The following COL4A5 variants were observed in gnomAD, a reference collection of about 807,000 sequenced individuals.
The protein encoded by COL4A5 is collagen alpha-5(IV) chain.
A neutral mutation model predicts 130.2 loss-of-function variants in COL4A5; 26 were observed. The ratio of observed to expected loss-of-function variants is 0.20; its 90% CI spans 0.15 to 0.28. The LOEUF is 0.28. Ranked by LOEUF, COL4A5 falls within the 10% of genes least tolerant of loss-of-function variation. The probability of loss-of-function intolerance (pLI) is 1.00; values close to 1 mark genes in which losing one functional copy is unlikely to be tolerated. For missense variants in COL4A5, 1,131 were observed against 1,344.3 expected, an observed-to-expected ratio of 0.84 and a Z score of 2.48; for synonymous variants, 496 against 439.6, an observed-to-expected ratio of 1.13 and a Z score of -1.60.
chrX:108,453,252 C>T (rs1238743473), intron 1 of COL4A5, among the ~76,000 whole-genome samples: 5 of 111,614 alleles, frequency 4.5e-5, no homozygotes, highest in Non-Finnish European at 7.5e-5. Flanking sequence ...CTAACCTTAT[C>T]TTAAAAGGCT....
At chrX:108,646,833 A>G (rs1412753670) in intron 36 of COL4A5, among the ~76,000 whole-genome samples, 3 of 111,367 alleles carry the variant, frequency 2.7e-5, no homozygotes, top group Non-Finnish European at 5.6e-5. Flanking sequence ...TTTATTAAAT[A>G]GGGAATCCTT....
chrX:108,522,611 A>G (rs1336454286), intron 1 of COL4A5, among the ~76,000 whole-genome samples: 1 of 107,106 alleles, frequency 9.3e-6, no homozygotes, highest in Non-Finnish European at 1.9e-5. Flanking sequence ...TGTCTATTCA[A>G]ATCTTTTGCC....
At chrX:108,479,748 A>G (rs774638192) in intron 1 of COL4A5, among the ~76,000 whole-genome samples, 1 of 111,836 alleles carries the variant, frequency 8.9e-6, no homozygotes, top group East Asian at 2.8e-4. Flanking sequence ...GCTGCTGTGC[A>G]TGACCACTTT....
At chrX:108,567,154 T>C (rs149734427) in intron 4 of COL4A5, among the ~76,000 whole-genome samples, 1 of 111,707 alleles carries the variant, frequency 9.0e-6, no homozygotes, top group Non-Finnish European at 1.9e-5. Flanking sequence ...TGAAAACCAT[T>C]AATTATTTCT....
intron 36 of COL4A5, among the ~76,000 whole-genome samples, chrX:108,638,109 C>G (rs1230061834): frequency 9.0e-6 from 1 of 111,265 alleles, no homozygotes; most frequent in Admixed American, 9.6e-5. Context: ...CAGACAAAGA[C>G]ACTACAATAA....
intron 2 of COL4A5, among the ~76,000 whole-genome samples, chrX:108,546,036 C>T (rs992432932): frequency 9.8e-5 from 11 of 111,814 alleles, no homozygotes; most frequent in Non-Finnish European, 1.9e-4. Flanking sequence ...GAATACAGCA[C>T]CCTGGTGGGT....
At chrX:108,581,092 G>T (rs1331905598) in intron 16 of COL4A5, 65 bp downstream of exon 16, 4 of 981,843 alleles carry the variant, frequency 4.1e-6, no homozygotes, top group Non-Finnish European at 5.8e-6. Flanking sequence ...ATAACATAAG[G>T]TGGCAGAGAA....
At chrX:108,579,206 T>TA (rs1032785343) in intron 13 of COL4A5, among the ~76,000 whole-genome samples, 13 of 112,011 alleles carry the variant, frequency 1.2e-4, no homozygotes, top group Admixed American at 1.1e-3. Flanking sequence ...AGGTAATCAC[T>TA]AATCTACTTC....
intron 1 of COL4A5, among the ~76,000 whole-genome samples, chrX:108,474,896 C>G (rs1287905409): frequency 9.0e-6 from 1 of 111,459 alleles, no homozygotes; most frequent in Non-Finnish European, 1.9e-5. Context: ...TGTCAAAAAT[C>G]AACTGACTGT....
rs2064604048 is a variant in COL4A5, at chrX:108,458,303, AC to A, written c.81+18098del. On this transcript the variant is annotated intron_variant, in intron 1 of 52. Coordinates refer to ENST00000328300, the MANE Select transcript of COL4A5 (RefSeq NM_033380.3). ...AGTTCCAGCACCATTTGTTGAACAGACTATCCCTTCCCCATTAAATTACCTT... is the reference window on the plus strand; with the variant it reads ...AGTTCCAGCACCATTTGTTGAACAGATATCCCTTCCCCATTAAATTACCTT... Among the ~76,000 whole-genome samples, 3 of 111,826 alleles carry A rather than the reference AC, an allele frequency of 2.7e-5. No individual in the cohort carries two copies. The South Asian group carries it at 1.1e-3, about 42-fold the overall frequency.
chrX:108,510,300 CTAAAA>C (rs1020108729), intron 1 of COL4A5, among the ~76,000 whole-genome samples: 5 of 111,410 alleles, frequency 4.5e-5, no homozygotes, highest in African/African-American at 6.5e-5. Flanking sequence ...ACCCCAGCAC[CTAAAA>C]TAAAAGTTAA....
At chrX:108,479,793 G>C (rs982035255) in intron 1 of COL4A5, among the ~76,000 whole-genome samples, 4 of 111,835 alleles carry the variant, frequency 3.6e-5, no homozygotes, top group Non-Finnish European at 7.5e-5. Flanking sequence ...CCCAGTTTAT[G>C]ACAGGCAGTT....
chrX:108,650,764 T>C (rs1231231446), intron 36 of COL4A5, among the ~76,000 whole-genome samples: 1 of 109,829 alleles, frequency 9.1e-6, no homozygotes, highest in Non-Finnish European at 1.9e-5. Flanking sequence ...CAAGGGACTT[T>C]GGGGACTTGT....
chrX:108,681,859 C>T lies in COL4A5; in HGVS notation c.4187C>T (p.Pro1396Leu), dbSNP rs1399871518. ...IPGQPGLKGL[P>L]GPQGPQGLPG... ...GGCCAGCCTGGGCTAAAGGGTCTAC[C>T]AGGACCCCAAGGACCTCAAGGCTTA... The change falls in exon 47 of 53, where the codon CCA becomes CTA. Residue 1396 changes from proline to leucine, a missense_variant. By Grantham distance (98) the Pro-to-Leu change is moderately conservative. Coordinates refer to ENST00000328300, the MANE Select transcript of COL4A5 (RefSeq NM_033380.3). 1.7e-6 allele frequency: 2 copies of T among 1,209,777 alleles called. No homozygotes were observed. Among genetic ancestry groups the T allele is most frequent in the East Asian group, 5.9e-5 (2 of 33,805 alleles).
At chrX:108,669,084 T>C (rs180733895) in intron 41 of COL4A5, among the ~76,000 whole-genome samples, 11 of 112,359 alleles carry the variant, frequency 9.8e-5, no homozygotes, top group African/African-American at 3.2e-4. Flanking sequence ...CTCATGTCTA[T>C]ACCTCATTTG....
intron 1 of COL4A5, among the ~76,000 whole-genome samples, chrX:108,526,671 CTCTTTCTT>C (rs71946950): frequency 0.13 from 5,567 of 41,477 alleles, 526 homozygotes; most frequent in Middle Eastern, 0.2. Context: ...TTCTTTCTTT[CTCTTTCTT>C]TCTTTCTTTC....
chrX:108,643,176 A>T (rs2067506222), intron 36 of COL4A5, among the ~76,000 whole-genome samples: 1 of 112,194 alleles, frequency 8.9e-6, no homozygotes, highest in South Asian at 3.6e-4. Context: ...AGCTCAAAGA[A>T]TAAGAAAATA....
chrX:108,503,681 C>A (rs898629959), intron 1 of COL4A5, among the ~76,000 whole-genome samples: 1 of 111,368 alleles, frequency 9.0e-6, no homozygotes, highest in Non-Finnish European at 1.9e-5. Flanking sequence ...AAGTAAAACA[C>A]CTAGGAATAT....
intron 1 of COL4A5, among the ~76,000 whole-genome samples, chrX:108,460,618 T>C (rs2064636005): frequency 9.6e-6 from 1 of 104,391 alleles, no homozygotes; most frequent in African/African-American, 3.5e-5. Context: ...GCCTCCTGAG[T>C]AGATGGGATT....
Sources: allele counts gnomAD v4.1 joint callset (sites outside exome capture counted in the v4.1 genomes callset), GRCh38; gene constraint gnomAD v4.1.1; transcripts MANE v1.5; gene names NCBI Gene and HGNC (gene_info 2026-07-23, HGNC 2026-07-21).